The following SLC71A2 variants were observed in gnomAD, a reference collection of about 807,000 sequenced individuals.
SLC71A2 encodes the protein solute carrier family 71 member 2.
At chr9:94,407,583 TG>T in the SLC71A2 span, among the ~76,000 whole-genome samples, 1 of 152,166 alleles carries the variant, frequency 6.6e-6, no homozygotes, top group African/African-American at 2.4e-5. Context: ...TTCACTATGT[TG>T]GCCAGGCTGG....
the SLC71A2 span, among the ~76,000 whole-genome samples, chr9:94,422,294 A>T: frequency 6.6e-6 from 1 of 151,924 alleles, no homozygotes; most frequent in African/African-American, 2.4e-5. Context: ...GCCTTTGCTG[A>T]TTTTGCTTTG....
At chr9:94,399,230 A>T in the SLC71A2 span, among the ~76,000 whole-genome samples, 1 of 152,174 alleles carries the variant, frequency 6.6e-6, no homozygotes, top group African/African-American at 2.4e-5. Flanking sequence ...TGGGATTACA[A>T]GATACTCCAC....
the SLC71A2 span, chr9:94,451,611 C>A: frequency 2.9e-6 from 2 of 701,098 alleles, no homozygotes; most frequent in South Asian, 2.3e-5. Context: ...TATAAAAATG[C>A]AGGAAGATAT....
the SLC71A2 span, chr9:94,433,125 G>T: frequency 4.0e-4 from 112 of 281,920 alleles, no homozygotes; most frequent in Admixed American, 7.0e-4. Context: ...TACACAATGC[G>T]CAGGGCCACT....
At chr9:94,381,284 C>T in the SLC71A2 span, among the ~76,000 whole-genome samples, 1 of 151,494 alleles carries the variant, frequency 6.6e-6, no homozygotes, top group Non-Finnish European at 1.5e-5. Context: ...CATCCGCCCG[C>T]CTCGGCCTCC....
At chr9:94,382,883 C>T in the SLC71A2 span, among the ~76,000 whole-genome samples, 12 of 151,986 alleles carry the variant, frequency 7.9e-5, no homozygotes, top group Admixed American at 6.6e-4. Context: ...TTAGTAGAGG[C>T]GGGGTTTCAC....
chr9:94,454,850 T>C, the SLC71A2 span, among the ~76,000 whole-genome samples: 1 of 152,160 alleles, frequency 6.6e-6, no homozygotes, highest in Non-Finnish European at 1.5e-5. Flanking sequence ...GCCGCAGTTA[T>C]TACTACCATA....
At chr9:94,440,716 C>G in the SLC71A2 span, among the ~76,000 whole-genome samples, 1 of 151,910 alleles carries the variant, frequency 6.6e-6, no homozygotes, top group African/African-American at 2.4e-5. Flanking sequence ...AAAAATATAA[C>G]TTTTACCTAA....
chr9:94,459,558 C>A, the SLC71A2 span: 1 of 668,392 alleles, frequency 1.5e-6, no homozygotes, highest in Non-Finnish European at 2.4e-6. Flanking sequence ...CATCATTCTG[C>A]TCATCCTCCT....
the SLC71A2 span, among the ~76,000 whole-genome samples, chr9:94,383,161 CTTTTTTT>C: frequency 9.5e-6 from 1 of 105,778 alleles, no homozygotes; most frequent in Non-Finnish European, 1.8e-5. Flanking sequence ...GCTTTTACAT[CTTTTTTT>C]TTTTTTTTTT....
the SLC71A2 span, among the ~76,000 whole-genome samples, chr9:94,416,786 G>A: frequency 9.9e-5 from 15 of 151,782 alleles, no homozygotes; most frequent in African/African-American, 3.4e-4. Flanking sequence ...CCCAGAAGGT[G>A]GAGGTTGCAG....
At chr9:94,386,697 A>G in the SLC71A2 span, among the ~76,000 whole-genome samples, 9 of 152,012 alleles carry the variant, frequency 5.9e-5, no homozygotes, top group African/African-American at 1.9e-4. Flanking sequence ...TCTTCCTACC[A>G]GAGCAGAGGC....
At chr9:94,418,928 C>A in the SLC71A2 span, among the ~76,000 whole-genome samples, 1 of 151,890 alleles carries the variant, frequency 6.6e-6, no homozygotes, top group African/African-American at 2.4e-5. Context: ...TCGTTTAGTT[C>A]TTTGAACATA....
the SLC71A2 span, among the ~76,000 whole-genome samples, chr9:94,428,694 G>A: frequency 7.0e-6 from 1 of 143,312 alleles, no homozygotes; most frequent in South Asian, 2.2e-4. Context: ...CCCAAATTCT[G>A]TAGTTTAGGT....
At chr9:94,389,205 G>A in the SLC71A2 span, among the ~76,000 whole-genome samples, 2 of 151,278 alleles carry the variant, frequency 1.3e-5, no homozygotes, top group Admixed American at 6.6e-5. Flanking sequence ...TCCATATTAT[G>A]TGTGCTCTTC....
chr9:94,389,637 TG>T, the SLC71A2 span, among the ~76,000 whole-genome samples: 3 of 146,260 alleles, frequency 2.1e-5, no homozygotes, highest in Non-Finnish European at 4.5e-5. Flanking sequence ...GACAAGGTCT[TG>T]CCCTGTTGCC....
At chr9:94,382,024 GT>G in the SLC71A2 span, among the ~76,000 whole-genome samples, 30 of 147,140 alleles carry the variant, frequency 2.0e-4, no homozygotes, top group East Asian at 9.8e-4. Context: ...CTTTCCATAA[GT>G]TTTTTTTTTT....
At chr9:94,453,216 T>G in the SLC71A2 span, among the ~76,000 whole-genome samples, 1 of 151,088 alleles carries the variant, frequency 6.6e-6, no homozygotes, top group African/African-American at 2.4e-5. Context: ...GTGGTATGAT[T>G]TCGGCTCACT....
At chr9:94,382,981 T>C in the SLC71A2 span, among the ~76,000 whole-genome samples, 1 of 152,008 alleles carries the variant, frequency 6.6e-6, no homozygotes, top group Admixed American at 6.6e-5. Flanking sequence ...CGTGAGTCAT[T>C]GTGCTTGGCC....
Sources: allele counts gnomAD v4.1 joint callset (sites outside exome capture counted in the v4.1 genomes callset), GRCh38; gene constraint gnomAD v4.1.1; transcripts MANE v1.5; gene names NCBI Gene and HGNC (gene_info 2026-07-23, HGNC 2026-07-21).